The following EML6 variants were observed in gnomAD, a reference collection of about 807,000 sequenced individuals.
EML6 encodes echinoderm microtubule-associated protein-like 6.
Under a neutral mutation model 240.1 loss-of-function variants are expected in EML6, and 154 were observed. That is an observed-to-expected ratio of 0.64 (90% confidence interval 0.56 to 0.73). The LOEUF (loss-of-function observed/expected upper bound fraction) is 0.73, where lower values mean the gene tolerates loss of function less well. EML6 is among the 30% of genes least tolerant of loss of function. The pLI is 0.00. For synonymous variants in EML6, 1,148 were observed against 899.0 expected, an observed-to-expected ratio of 1.28 and a Z score of -4.95; for missense variants, 2,964 against 2,474.6, an observed-to-expected ratio of 1.20 and a Z score of -4.20.
chr2:54,846,921 G>GTCTTTTTTTTTTTTTTTT (rs1558606488), intron 8 of EML6, among the ~76,000 whole-genome samples: 1 of 81,198 alleles, frequency 1.2e-5, no homozygotes, highest in East Asian at 5.3e-4. Flanking sequence ...GTATGAAGTA[G>GTCTTTTTTTTTTTTTTTT]TATTTTTTTT....
At chr2:54,760,005 C>T (rs12615703) in intron 2 of EML6, among the ~76,000 whole-genome samples, 2 of 151,370 alleles carry the variant, frequency 1.3e-5, no homozygotes, top group South Asian at 2.1e-4. Context: ...ATCAAGACTC[C>T]GGCTCCGATT....
intron 39 of EML6, among the ~76,000 whole-genome samples, chr2:54,967,435 G>A (rs558551397): frequency 5.3e-5 from 8 of 152,198 alleles, no homozygotes; most frequent in African/African-American, 1.7e-4. Flanking sequence ...GGGGAAGGGA[G>A]TGGGAGGGCC....
chr2:54,928,241 C>T, intron 26 of EML6, 72 bp from the exon 27 acceptor site: 2 of 1,185,672 alleles, frequency 1.7e-6, no homozygotes, highest in South Asian at 1.3e-5. Context: ...CCAGTAGAAA[C>T]TAACATGGAT....
At chr2:54,927,976 G>A (rs1213855252) in intron 26 of EML6, among the ~76,000 whole-genome samples, 1 of 152,210 alleles carries the variant, frequency 6.6e-6, no homozygotes, top group Non-Finnish European at 1.5e-5. Flanking sequence ...CTCACAGTCA[G>A]GAGTTTACAC....
At position 54,869,237 on chromosome 2, in the gene EML6, T is replaced by C. The variant is rs1558632677; in HGVS notation, c.2108T>C (p.Val703Ala). Reference sequence around the variant, plus strand: ...TTCTACACACAAGCTGGAGAAGTAGTCTACCACATTGCTGCAGTTGCTGTC... The same window carrying C: ...TTCTACACACAAGCTGGAGAAGTAGCCTACCACATTGCTGCAGTTGCTGTC... ...NLFYTQAGEV[V>A]YHIAAVAVVY... Residue 703 changes from valine (V) to alanine (A), a missense_variant, in exon 15 of 42, where the codon GTC (valine) becomes GCC (alanine). Val to Ala is a moderately conservative substitution (Grantham distance 64). Transcript: ENST00000356458. 2.6e-6 allele frequency: 4 copies of C among 1,551,778 alleles called. No individual in the cohort carries two copies. The highest frequency in any genetic ancestry group is 3.5e-6 in the Non-Finnish European group (4 of 1,146,892).
At chr2:54,941,661 G>C (rs575679670) in intron 28 of EML6, among the ~76,000 whole-genome samples, 1 of 152,342 alleles carries the variant, frequency 6.6e-6, no homozygotes, top group Non-Finnish European at 1.5e-5. Context: ...TCCAAGGCTG[G>C]AGTGAGCTTA....
chr2:54,812,343 T>G (rs11892359), intron 2 of EML6, among the ~76,000 whole-genome samples: 3,834 of 151,988 alleles, frequency 0.025, 162 homozygotes, highest in African/African-American at 0.088. Flanking sequence ...AAAGTCTACT[T>G]CCATTTACTG....
chr2:54,968,651 T>A lies in EML6; in HGVS notation c.5752-17T>A. 2 of 1,497,136 alleles carry A rather than the reference T, an allele frequency of 1.3e-6. No individual in the cohort carries two copies. The highest frequency in any genetic ancestry group is 1.8e-6 in the Non-Finnish European group (2 of 1,097,222). The allele number at this position is 1,497,136 out of a possible 1,614,324, so 92.7% of individuals were successfully genotyped here. On this transcript the variant is annotated splice_polypyrimidine_tract_variant and intron_variant, in intron 40 of 41. Coordinates refer to ENST00000356458, the MANE Select transcript of EML6 (RefSeq NM_001039753.4). ...AGCCAGGGTCTCTTAGCTGTCTCCA[T>A]TCACTTTTGCTCACAGGCCAAACAT...
chr2:54,780,481 C>T (rs1382520420), intron 2 of EML6, among the ~76,000 whole-genome samples: 1 of 152,146 alleles, frequency 6.6e-6, no homozygotes, highest in Non-Finnish European at 1.5e-5. Context: ...GAGGGCTGTA[C>T]TGGAGTGAGT....
At chr2:54,829,541 C>G in intron 7 of EML6, 64 bp downstream of exon 7, 1 of 1,351,530 alleles carries the variant, frequency 7.4e-7, no homozygotes, top group Non-Finnish European at 1.0e-6. Flanking sequence ...GTTCTGTATT[C>G]ATATTTGTTT....
intron 17 of EML6, among the ~76,000 whole-genome samples, chr2:54,888,972 C>T (rs1045828333): frequency 1.3e-5 from 2 of 152,174 alleles, no homozygotes; most frequent in Admixed American, 6.5e-5. Flanking sequence ...ATTTTGCATT[C>T]CCACCAGCAA....
intron 34 of EML6, among the ~76,000 whole-genome samples, chr2:54,959,652 C>T (rs1051029794): frequency 6.6e-6 from 1 of 152,116 alleles, no homozygotes; most frequent in Non-Finnish European, 1.5e-5. Flanking sequence ...ATACCAACTA[C>T]TAGGGAGGCT....
chr2:54,785,204 C>T (rs1669027289), intron 2 of EML6, among the ~76,000 whole-genome samples: 1 of 135,496 alleles, frequency 7.4e-6, no homozygotes, highest in African/African-American at 2.8e-5. Context: ...AAGACGGAGT[C>T]TCACTATGTT....
chr2:54,787,422 G>A (rs1287328056), intron 2 of EML6, among the ~76,000 whole-genome samples: 1 of 152,128 alleles, frequency 6.6e-6, no homozygotes, highest in Non-Finnish European at 1.5e-5. Context: ...ACAGACCTAG[G>A]TCTGAATCTT....
intron 28 of EML6, among the ~76,000 whole-genome samples, chr2:54,935,018 C>CT (rs1197215334): frequency 3.3e-5 from 5 of 151,866 alleles, no homozygotes; most frequent in Non-Finnish European, 7.4e-5. Flanking sequence ...GTAGATATTC[C>CT]TTTTTTAAAG....
intron 7 of EML6, among the ~76,000 whole-genome samples, chr2:54,840,521 C>T (rs552267797): frequency 2.4e-4 from 37 of 152,256 alleles, no homozygotes; most frequent in African/African-American, 8.7e-4. Flanking sequence ...AGGGGCCTAT[C>T]TTGTTCACTG....
intron 11 of EML6, among the ~76,000 whole-genome samples, chr2:54,858,834 CTG>C (rs1178006145): frequency 6.6e-6 from 1 of 152,172 alleles, no homozygotes; most frequent in Non-Finnish European, 1.5e-5. Context: ...TTTAGAGAAA[CTG>C]TGAGAAATAG....
intron 13 of EML6, among the ~76,000 whole-genome samples, chr2:54,865,861 G>A (rs1437059806): frequency 6.6e-6 from 1 of 152,204 alleles, no homozygotes; most frequent in Non-Finnish European, 1.5e-5. Context: ...TTTTACAGAT[G>A]AGAATTTGAA....
intron 11 of EML6, 36 bp downstream of exon 11, chr2:54,853,891 T>A: frequency 7.1e-7 from 1 of 1,414,486 alleles, no homozygotes; most frequent in South Asian, 1.2e-5. Flanking sequence ...GCATAAAGAT[T>A]TACTCTAAAC....
Sources: gnomAD v4.1 joint callset for allele counts (sites outside exome capture counted in the v4.1 genomes callset) on GRCh38, gnomAD v4.1.1 for gene constraint, MANE v1.5 for transcripts, NCBI Gene and HGNC (gene_info 2026-07-23, HGNC 2026-07-21) for gene names.